The following TVP23B variants were observed in gnomAD, a reference collection of about 807,000 sequenced individuals.
TVP23B encodes the protein Golgi apparatus membrane protein TVP23 homolog B.
TVP23B carries 10 observed loss-of-function variants against 30.6 expected under a neutral mutation model. The observed-to-expected ratio is 0.33, with a 90% CI of 0.20 to 0.55. The LOEUF (loss-of-function observed/expected upper bound fraction) is 0.55. Among genes scored for constraint, TVP23B ranks in the 20% least tolerant of loss-of-function variants. The pLI, the probability that TVP23B is intolerant of heterozygous loss-of-function variation, is 0.91. For missense variants in TVP23B, 153 were observed against 243.2 expected, an observed-to-expected ratio of 0.63 and a Z score of 2.47; for synonymous variants, 67 against 83.1, an observed-to-expected ratio of 0.81 and a Z score of 1.06.
At chr17:18,803,836 A>G (rs62075108) in intron 5 of TVP23B, among the ~76,000 whole-genome samples, 8,890 of 152,214 alleles carry the variant, frequency 0.058, 333 homozygotes, top group South Asian at 0.085. Flanking sequence ...CCAATGGGAA[A>G]CAGAGAGCAA....
Position 18,781,256 on chromosome 17 carries a change from G to A in TVP23B, c.-38G>A. The A allele has an allele frequency of 6.4e-7, 1 of 1,561,708 alleles. No homozygotes were observed. Among genetic ancestry groups the A allele is most frequent in the Non-Finnish European group, 8.7e-7 (1 of 1,153,756 alleles). ...ACCCGGACCCGTACGCTGCTGCGCT[G>A]ACGTGGCTCCCGGAAGTAGGGCTGG... is the stretch of plus-strand genomic sequence containing the variant. On this transcript the variant is annotated 5_prime_UTR_variant, in exon 1 of 7. Coordinates refer to ENST00000307767, the MANE Select transcript of TVP23B (RefSeq NM_016078.6).
intron 1 of TVP23B, 22 bp from the exon 2 acceptor site, chr17:18,789,331 G>T: frequency 6.2e-7 from 1 of 1,613,864 alleles, no homozygotes; most frequent in Non-Finnish European, 8.5e-7. Flanking sequence ...TTTGCTTCTT[G>T]ACCATTTATT....
intron 1 of TVP23B, chr17:18,781,528 G>T: frequency 1.4e-6 from 1 of 698,350 alleles, no homozygotes; most frequent in Non-Finnish European, 2.2e-6. Flanking sequence ...AGTACTTCTT[G>T]CGGCTGTGGG....
At chr17:18,801,989 A>G (rs1305320568) in intron 5 of TVP23B, among the ~76,000 whole-genome samples, 3 of 152,100 alleles carry the variant, frequency 2.0e-5, no homozygotes, top group Admixed American at 6.5e-5. Context: ...TGGGAGGGCC[A>G]AGGCGGGCGG....
intron 4 of TVP23B, 65 bp from the exon 5 acceptor site, chr17:18,798,747 A>C (rs2036113600): frequency 6.4e-7 from 1 of 1,570,366 alleles, no homozygotes; most frequent in East Asian, 2.3e-5. Context: ...GTTTTTTATT[A>C]AACATGTTGA....
intron 5 of TVP23B, among the ~76,000 whole-genome samples, chr17:18,801,428 T>C (rs1597623734): frequency 6.6e-6 from 1 of 152,124 alleles, no homozygotes; most frequent in Non-Finnish European, 1.5e-5. Context: ...TTAGTGCGGG[T>C]GAATCCCCCT....
chr17:18,806,432 G>A lies in TVP23B; in HGVS notation c.*865G>A, dbSNP rs62075110. The A allele has an allele frequency of 0.01, 3,916 of 373,016 alleles. 19 individuals are homozygous for A. The highest frequency in any genetic ancestry group is 0.014 in the South Asian group (135 of 9,378). 23.1% of individuals were successfully genotyped at this position (373,016 alleles called of 1,614,324 possible). A position where few individuals can be genotyped will look rare whatever the true frequency, so the allele number is the denominator to read the frequency against. On this transcript the variant is annotated 3_prime_UTR_variant, in exon 7 of 7. Transcript: ENST00000307767. ...TCTATTTTTTTCTTGCTATAATGGG[G>A]ATATTGTAAATTATGCATTTGTATT...
Position 18,790,433 on chromosome 17 carries a change from C to T in TVP23B, c.96-463C>T, listed in dbSNP as rs1431757201. Reference sequence around the variant, plus strand: ...GAGCCGAGATTGTGCCACCAAACTCCAGCCTGGGCGACGGAGCGAGACTCC... The same window carrying T: ...GAGCCGAGATTGTGCCACCAAACTCTAGCCTGGGCGACGGAGCGAGACTCC... On this transcript the variant is annotated intron_variant, in intron 2 of 6. Coordinates refer to ENST00000307767, the MANE Select transcript of TVP23B (RefSeq NM_016078.6). 2.8e-5 allele frequency among the ~76,000 whole-genome samples: 4 copies of T among 144,376 alleles called. No homozygotes were observed. The Admixed American group carries it at 2.9e-4, about 10-fold the overall frequency. The allele number at this position is 144,376 out of a possible 152,430, so 94.7% of individuals were successfully genotyped here.
At position 18,791,059 on chromosome 17, in the gene TVP23B, A is replaced by G. The variant is rs758115521; in HGVS notation, c.240+19A>G. ...AGTGAAGGTAATTTTGATTGTTTTT[A>G]TTTTAAAATTATATTTAATATGAAA... On this transcript the variant is annotated intron_variant, in intron 3 of 6. Coordinates refer to ENST00000307767, the MANE Select transcript of TVP23B (RefSeq NM_016078.6). The G allele has an allele frequency of 2.0e-5, 31 of 1,563,524 alleles. No individual in the cohort carries two copies. The highest frequency in any genetic ancestry group is 6.0e-6 in the Non-Finnish European group (7 of 1,163,984).
At position 18,805,721 on chromosome 17, in the gene TVP23B, A is replaced by G. The variant is rs2036241468; in HGVS notation, c.*154A>G. On this transcript the variant is annotated 3_prime_UTR_variant, in exon 7 of 7. Transcript: ENST00000307767. ...TATAAAAAGGAAAAGTAGTTTTCATATTAAGTTTTTATTTCCTTTCCAGCA... is the reference window on the plus strand; with the variant it reads ...TATAAAAAGGAAAAGTAGTTTTCATGTTAAGTTTTTATTTCCTTTCCAGCA... 1 of 1,452,846 alleles carries G rather than the reference A, an allele frequency of 6.9e-7. No homozygotes were observed. The highest frequency in any genetic ancestry group is 1.4e-5 in the African/African-American group (1 of 69,606). The allele number at this position is 1,452,846 out of a possible 1,614,324, so 90.0% of individuals were successfully genotyped here. A position where few individuals can be genotyped will look rare whatever the true frequency, so the allele number is the denominator to read the frequency against.
In TVP23B at chr17:18,801,270, C is replaced by T. The variant is rs1436983943; in HGVS notation, c.462+2327C>T. Among the ~76,000 whole-genome samples, 5 of 152,006 alleles carry T rather than the reference C, an allele frequency of 3.3e-5. No homozygotes were observed. The East Asian group carries it at 5.8e-4, about 18-fold the overall frequency. On this transcript the variant is annotated intron_variant, in intron 5 of 6. Coordinates refer to ENST00000307767, the MANE Select transcript of TVP23B (RefSeq NM_016078.6). ...TATTTTGGTGGGGTTTTTTTCTTTT[C>T]GAGTAGATTCTTCACCTATCTTCTG...
At chr17:18,784,599 C>T (rs542694544) in intron 1 of TVP23B, among the ~76,000 whole-genome samples, 14 of 152,224 alleles carry the variant, frequency 9.2e-5, no homozygotes, top group African/African-American at 3.4e-4. Context: ...TGCAGTGAGC[C>T]AAGATCACGC....
At chr17:18,801,302 A>G (rs1020221143) in intron 5 of TVP23B, among the ~76,000 whole-genome samples, 5 of 151,656 alleles carry the variant, frequency 3.3e-5, no homozygotes, top group Non-Finnish European at 5.9e-5. Flanking sequence ...TCTGTATACT[A>G]TGCTTCTTTT....
intron 2 of TVP23B, among the ~76,000 whole-genome samples, chr17:18,790,250 G>A (rs1156756359): frequency 6.6e-6 from 1 of 152,066 alleles, no homozygotes. Flanking sequence ...GGATCACGAG[G>A]TCAGGAGATT....
intron 4 of TVP23B, among the ~76,000 whole-genome samples, chr17:18,798,320 T>A (rs981210962): frequency 6.6e-6 from 1 of 152,178 alleles, no homozygotes; most frequent in African/African-American, 2.4e-5. Flanking sequence ...TATTATAGAA[T>A]CTACCTTGGA....
chr17:18,793,588 T>TC (rs1434726199), intron 3 of TVP23B, among the ~76,000 whole-genome samples: 1 of 138,156 alleles, frequency 7.2e-6, no homozygotes, highest in East Asian at 2.1e-4. Flanking sequence ...AGAGCAAGAC[T>TC]CCATCTCAAA....
At chr17:18,795,394 A>G (rs943907821) in intron 3 of TVP23B, among the ~76,000 whole-genome samples, 2 of 152,126 alleles carry the variant, frequency 1.3e-5, no homozygotes, top group African/African-American at 4.8e-5. Context: ...TTACTTGAGC[A>G]AACCAGAAAT....
chr17:18,785,536 A>G (rs2035891952), intron 1 of TVP23B, among the ~76,000 whole-genome samples: 1 of 152,094 alleles, frequency 6.6e-6, no homozygotes, highest in Non-Finnish European at 1.5e-5. Flanking sequence ...CCATAAGTGC[A>G]AAAGAACCTG....
chr17:18,802,388 C>G (rs1373558788), intron 5 of TVP23B, among the ~76,000 whole-genome samples: 1 of 152,188 alleles, frequency 6.6e-6, no homozygotes, highest in Non-Finnish European at 1.5e-5. Context: ...CTTCTTCCCA[C>G]CCGGTGGCAC....
Sources: gnomAD v4.1 joint callset for allele counts (sites outside exome capture counted in the v4.1 genomes callset) on GRCh38, gnomAD v4.1.1 for gene constraint, MANE v1.5 for transcripts, NCBI Gene and HGNC (gene_info 2026-07-23, HGNC 2026-07-21) for gene names.